Variants in ALK observed in about 807,000 individuals in gnomAD.
The protein encoded by ALK is ALK receptor tyrosine kinase.
Under a neutral mutation model 163.1 loss-of-function variants are expected in ALK, and 74 were observed. The ratio of observed to expected loss-of-function variants is 0.45; its 90% confidence interval spans 0.38 to 0.55. The LOEUF (loss-of-function observed/expected upper bound fraction) is 0.55, where lower values mean the gene tolerates loss of function less well. ALK is among the 20% of genes least tolerant of loss of function. The probability of loss-of-function intolerance (pLI) is 0.00; values close to 1 mark genes in which losing one functional copy is unlikely to be tolerated. For missense variants in ALK, 2,063 were observed against 2,105.3 expected, an observed-to-expected ratio of 0.98 and a Z score of 0.39; for synonymous variants, 960 against 843.2, an observed-to-expected ratio of 1.14 and a Z score of -2.40.
At chr2:29,703,945 C>G (rs901992134) in intron 2 of ALK, among the ~76,000 whole-genome samples, 2 of 152,162 alleles carry the variant, frequency 1.3e-5, no homozygotes, top group African/African-American at 4.8e-5. Flanking sequence ...AATGTCACCT[C>G]TTCAGGGAAC....
chr2:29,259,509 T>C (rs80341343), intron 11 of ALK, among the ~76,000 whole-genome samples: 2,216 of 152,256 alleles, frequency 0.015, 69 homozygotes, highest in African/African-American at 0.05. Context: ...TGGAGAAATA[T>C]TCCTTGAATT....
At chr2:29,194,922 CAT>C (rs1021326849) in intron 28 of ALK, among the ~76,000 whole-genome samples, 3 of 152,076 alleles carry the variant, frequency 2.0e-5, no homozygotes, top group African/African-American at 7.2e-5. Context: ...TAGACTGTAA[CAT>C]AGAAGAACAG....
At position 29,841,354 on chromosome 2, in the gene ALK, T is replaced by C. The variant is rs185506724; in HGVS notation, c.667+78639A>G. 4.7e-3 allele frequency among the ~76,000 whole-genome samples: 719 copies of C among 152,342 alleles called. 22 individuals are homozygous for C. Among genetic ancestry groups the C allele is most frequent in the Admixed American group, 0.036 (557 of 15,296 alleles). On this transcript the variant is annotated intron_variant, in intron 1 of 28. Coordinates refer to ENST00000389048, the MANE Select transcript of ALK (RefSeq NM_004304.5). ...GAAGAGATACTTCCGGTCAAGACACTGGCTTGTGTTCAGAAAGAAACTTAA... is the reference window on the plus strand; with the variant it reads ...GAAGAGATACTTCCGGTCAAGACACCGGCTTGTGTTCAGAAAGAAACTTAA...
chr2:29,533,897 G>A (rs1558371673), intron 3 of ALK, among the ~76,000 whole-genome samples: 1 of 152,156 alleles, frequency 6.6e-6, no homozygotes, highest in Non-Finnish European at 1.5e-5. Flanking sequence ...AGGTCCAGGT[G>A]GGAAGATCCG....
chr2:29,608,498 G>A (rs939037521), intron 3 of ALK, among the ~76,000 whole-genome samples: 1 of 152,192 alleles, frequency 6.6e-6, no homozygotes, highest in South Asian at 2.1e-4. Flanking sequence ...CACATGGCTT[G>A]TTAGTGGCAG....
chr2:29,354,006 C>T (rs757484783), intron 5 of ALK, among the ~76,000 whole-genome samples: 6 of 152,224 alleles, frequency 3.9e-5, no homozygotes, highest in Non-Finnish European at 8.8e-5. Context: ...GAGCCTGAGG[C>T]TGGGGCATTT....
intron 9 of ALK, among the ~76,000 whole-genome samples, chr2:29,285,709 C>T (rs1665837043): frequency 6.6e-6 from 1 of 152,066 alleles, no homozygotes; most frequent in South Asian, 2.1e-4. Flanking sequence ...ATTACAGGTG[C>T]ATGCCACCAT....
chr2:29,680,713 T>C (rs1678039015), intron 3 of ALK, among the ~76,000 whole-genome samples: 1 of 152,164 alleles, frequency 6.6e-6, no homozygotes, highest in Non-Finnish European at 1.5e-5. Flanking sequence ...GAAAGTTTTA[T>C]TAGCTTTTTG....
chr2:29,516,691 C>G (rs1308023491), intron 4 of ALK, among the ~76,000 whole-genome samples: 1 of 152,206 alleles, frequency 6.6e-6, no homozygotes, highest in African/African-American at 2.4e-5. Flanking sequence ...CAAGTTCAGT[C>G]TCTTCATTTG....
intron 1 of ALK, among the ~76,000 whole-genome samples, chr2:29,801,647 T>C (rs1396050775): frequency 1.3e-5 from 2 of 152,248 alleles, no homozygotes; most frequent in Admixed American, 6.5e-5. Context: ...TCTGTTTTCC[T>C]TCCTGCCTCC....
In ALK at chr2:29,193,670, C is replaced by T. The variant is rs1463792690; in HGVS notation, c.4417G>A (p.Gly1473Arg). 1 of 1,613,970 alleles carries T rather than the reference C, an allele frequency of 6.2e-7. No homozygotes were observed. Among genetic ancestry groups the T allele is most frequent in the Non-Finnish European group, 8.5e-7 (1 of 1,179,932 alleles). ...VRVPRGPAVE[G>R]GHVNMAFSQS... ...GAGAATGCCATATTCACGTGTCCCC[C>T]TTCCACGGCCGGCCCTCTAGGGACT... Residue 1473 changes from glycine to arginine, a missense_variant, in exon 29 of 29, where the codon GGG becomes AGG. By Grantham distance (125) the Gly-to-Arg change is moderately radical. This residue lies in a region of ALK where 403 missense variants were observed against 366.2 expected (regional missense o/e 1.10). Transcript: ENST00000389048.
At chr2:29,752,695 C>G (rs1466905695) in intron 1 of ALK, among the ~76,000 whole-genome samples, 1 of 152,172 alleles carries the variant, frequency 6.6e-6, no homozygotes, top group African/African-American at 2.4e-5. Flanking sequence ...GATGTAACCT[C>G]ATGCTAGCTC....
chr2:29,229,208 G>A (rs1664116538), intron 15 of ALK, 142 bp from the exon 16 acceptor site: 1 of 761,606 alleles, frequency 1.3e-6, no homozygotes, highest in African/African-American at 1.7e-5. Flanking sequence ...GTGGGGCCTG[G>A]GGGCTTCAGA....
intron 1 of ALK, among the ~76,000 whole-genome samples, chr2:29,846,569 A>G (rs1470388577): frequency 6.6e-6 from 1 of 152,218 alleles, no homozygotes; most frequent in Non-Finnish European, 1.5e-5. Context: ...ACTTTTATAA[A>G]GCAGAGGAGT....
intron 4 of ALK, among the ~76,000 whole-genome samples, chr2:29,493,197 A>AT (rs1301104426): frequency 1.3e-5 from 2 of 152,058 alleles, no homozygotes; most frequent in Non-Finnish European, 1.5e-5. Context: ...CCTGTCTCAC[A>AT]TTTTTTTCCA....
intron 1 of ALK, among the ~76,000 whole-genome samples, chr2:29,745,981 C>T (rs547441282): frequency 6.6e-6 from 1 of 152,180 alleles, no homozygotes; most frequent in African/African-American, 2.4e-5. Context: ...ATAATAATAG[C>T]AATCTTAATG....
intron 4 of ALK, among the ~76,000 whole-genome samples, chr2:29,455,136 G>A (rs922045021): frequency 6.6e-6 from 1 of 152,198 alleles, no homozygotes; most frequent in Admixed American, 6.5e-5. Flanking sequence ...ATTTGCAGAA[G>A]AGAGAGACGA....
chr2:29,586,271 A>G (rs768090325), intron 3 of ALK, among the ~76,000 whole-genome samples: 3 of 151,594 alleles, frequency 2.0e-5, no homozygotes, highest in Non-Finnish European at 4.4e-5. Flanking sequence ...GCTTTCATAC[A>G]TATATTAAAT....
At chr2:29,275,979 G>A (rs989675081) in intron 9 of ALK, among the ~76,000 whole-genome samples, 1 of 152,172 alleles carries the variant, frequency 6.6e-6, no homozygotes, top group Non-Finnish European at 1.5e-5. Context: ...TGGGGCTTAA[G>A]TCATTATTAA....
Sources: allele counts gnomAD v4.1 joint callset (sites outside exome capture counted in the v4.1 genomes callset), GRCh38; gene constraint gnomAD v4.1.1; regional missense constraint gnomAD v4.1.1; transcripts MANE v1.5; gene names NCBI Gene and HGNC (gene_info 2026-07-23, HGNC 2026-07-21).